Variants in TAS2R1 observed in about 807,000 individuals in gnomAD.
The protein encoded by TAS2R1 is taste 2 receptor member 1.
For synonymous variants in TAS2R1, 141 were observed against 134.2 expected, an observed-to-expected ratio of 1.05 and a Z score of -0.35; for missense variants, 370 against 353.4, an observed-to-expected ratio of 1.05 and a Z score of -0.38.
At chr5:9,886,925 G>A in the TAS2R1 span, among the ~76,000 whole-genome samples, 1 of 152,088 alleles carries the variant, frequency 6.6e-6, no homozygotes, top group Non-Finnish European at 1.5e-5. Flanking sequence ...CATCACCAAA[G>A]GTAATGGCGA....
chr5:9,696,648 A>G lies in TAS2R1; in HGVS notation c.-242+15524T>C, dbSNP rs182213842. Reference sequence around the variant, plus strand: ...AAAGCATATAGCCAAGTATGTAATCAGAGGGACATTCATGCTTTAAATGCT... The same window carrying G: ...AAAGCATATAGCCAAGTATGTAATCGGAGGGACATTCATGCTTTAAATGCT... On this transcript the variant is annotated intron_variant, in intron 1 of 2. Coordinates refer to the TAS2R1 transcript ENST00000506620. Among the ~76,000 whole-genome samples, 129 of 152,346 alleles carry G rather than the reference A, an allele frequency of 8.5e-4. 2 individuals are homozygous for G. The Middle Eastern group carries it at 0.014, about 16-fold the overall frequency.
intron 1 of TAS2R1, among the ~76,000 whole-genome samples, chr5:9,705,282 T>C (rs1030005267): frequency 6.6e-5 from 10 of 151,812 alleles, no homozygotes; most frequent in Non-Finnish European, 1.0e-4. Context: ...CTAGGGGAGG[T>C]GTGAGTAGAA....
chr5:9,733,287 T>G, the TAS2R1 span, among the ~76,000 whole-genome samples: 1 of 152,228 alleles, frequency 6.6e-6, no homozygotes, highest in African/African-American at 2.4e-5. Flanking sequence ...AACTCATTTG[T>G]GCATTGTCTA....
At chr5:9,831,380 C>CAAACT in the TAS2R1 span, among the ~76,000 whole-genome samples, 2,943 of 152,156 alleles carry the variant, frequency 0.019, 97 homozygotes, top group African/African-American at 0.064. Flanking sequence ...TAAACTATGG[C>CAAACT]ATAGTGTCAC....
At chr5:9,828,662 G>A in the TAS2R1 span, among the ~76,000 whole-genome samples, 1 of 152,112 alleles carries the variant, frequency 6.6e-6, no homozygotes, top group Non-Finnish European at 1.5e-5. Flanking sequence ...TTTCTATACT[G>A]GAAGCTAAAA....
chr5:9,718,861 A>G, the TAS2R1 span, among the ~76,000 whole-genome samples: 1 of 152,080 alleles, frequency 6.6e-6, no homozygotes, highest in African/African-American at 2.4e-5. Flanking sequence ...TAAAAAGTGA[A>G]GGGGCTACTG....
the TAS2R1 span, among the ~76,000 whole-genome samples, chr5:9,800,426 G>T: frequency 6.6e-6 from 1 of 152,308 alleles, no homozygotes; most frequent in East Asian, 1.9e-4. Flanking sequence ...CCTTTGTGGT[G>T]GGAGGGAGGG....
chr5:9,734,915 G>T, the TAS2R1 span, among the ~76,000 whole-genome samples: 1 of 151,402 alleles, frequency 6.6e-6, no homozygotes, highest in African/African-American at 2.5e-5. Context: ...GTATTCGTTT[G>T]TTCTCATACT....
chr5:9,631,384 T>C (rs1739870316), upstream of TAS2R1, among the ~76,000 whole-genome samples: 1 of 152,078 alleles, frequency 6.6e-6, no homozygotes, highest in Non-Finnish European at 1.5e-5. Context: ...GGACTATAGA[T>C]ATGCACCACC....
intron 1 of TAS2R1, among the ~76,000 whole-genome samples, chr5:9,689,877 C>A (rs74819918): frequency 6.6e-6 from 1 of 152,094 alleles, no homozygotes; most frequent in Non-Finnish European, 1.5e-5. Flanking sequence ...CACATATCCT[C>A]GGATGAAGTA....
intron 2 of TAS2R1, among the ~76,000 whole-genome samples, chr5:9,645,928 C>G (rs892440535): frequency 3.9e-5 from 6 of 152,174 alleles, no homozygotes; most frequent in African/African-American, 2.4e-5. Context: ...CACAAATTCT[C>G]AGTTGTTACT....
the TAS2R1 span, among the ~76,000 whole-genome samples, chr5:9,757,244 C>G: frequency 7.9e-3 from 1,203 of 152,274 alleles, 12 homozygotes; most frequent in African/African-American, 0.028. Context: ...TGAGCTCTTT[C>G]ATAGTGTGGA....
the TAS2R1 span, among the ~76,000 whole-genome samples, chr5:9,730,003 C>A: frequency 0.028 from 4,275 of 152,186 alleles, 207 homozygotes; most frequent in African/African-American, 0.095. Flanking sequence ...AAAGGGAAGT[C>A]CTGGGAAAGG....
At chr5:9,793,248 T>C in the TAS2R1 span, among the ~76,000 whole-genome samples, 2 of 152,102 alleles carry the variant, frequency 1.3e-5, no homozygotes, top group Non-Finnish European at 2.9e-5. Context: ...GCATAGGAAA[T>C]GATGCAGACA....
the TAS2R1 span, among the ~76,000 whole-genome samples, chr5:9,855,919 T>C: frequency 6.6e-6 from 1 of 152,228 alleles, no homozygotes; most frequent in East Asian, 1.9e-4. Flanking sequence ...TACATTCTGA[T>C]TGGTATCAAG....
At chr5:9,741,364 T>C in the TAS2R1 span, among the ~76,000 whole-genome samples, 1 of 152,166 alleles carries the variant, frequency 6.6e-6, no homozygotes. Flanking sequence ...TCCCATCTCT[T>C]GCTTTAGTAA....
intron 1 of TAS2R1, among the ~76,000 whole-genome samples, chr5:9,692,153 G>A (rs75099899): frequency 2.4e-4 from 37 of 152,238 alleles, no homozygotes; most frequent in Middle Eastern, 3.4e-3. Flanking sequence ...TTCTCCCTTG[G>A]TTCGTGTGAA....
intron 2 of TAS2R1, among the ~76,000 whole-genome samples, chr5:9,636,901 G>A (rs530136402): frequency 1.3e-5 from 2 of 152,098 alleles, no homozygotes; most frequent in South Asian, 4.1e-4. Flanking sequence ...TTTAAGTGAA[G>A]CATTTAGGCC....
intron 2 of TAS2R1, among the ~76,000 whole-genome samples, chr5:9,656,053 C>T (rs576320033): frequency 6.6e-6 from 1 of 152,196 alleles, no homozygotes; most frequent in South Asian, 2.1e-4. Flanking sequence ...TAGCAGAGCA[C>T]TTATCACACT....
Sources: gnomAD v4.1 joint callset for allele counts (sites outside exome capture counted in the v4.1 genomes callset) on GRCh38, gnomAD v4.1.1 for gene constraint, MANE v1.5 for transcripts, NCBI Gene and HGNC (gene_info 2026-07-23, HGNC 2026-07-21) for gene names.